The following SDK1 variants were observed in gnomAD, a reference collection of about 807,000 sequenced individuals.
SDK1 encodes the protein protein sidekick-1.
Under a neutral mutation model 245.5 loss-of-function variants are expected in SDK1, and 157 were observed. The observed-to-expected ratio is 0.64, with a 90% CI of 0.56 to 0.73. SDK1 has a LOEUF of 0.73. Among genes scored for constraint, SDK1 ranks in the 30% least tolerant of loss-of-function variants. The pLI is 0.00. For synonymous variants in SDK1, 1,647 were observed against 1,278.5 expected, an observed-to-expected ratio of 1.29 and a Z score of -6.15; for missense variants, 3,583 against 3,002.3, an observed-to-expected ratio of 1.19 and a Z score of -4.52.
intron 4 of SDK1, among the ~76,000 whole-genome samples, chr7:3,770,863 G>A (rs978038169): frequency 1.3e-5 from 2 of 152,130 alleles, no homozygotes; most frequent in African/African-American, 2.4e-5. Context: ...GAGTTACGAG[G>A]CCTGGCTTAG....
chr7:4,236,082 A>G (rs1786146782), intron 41 of SDK1, among the ~76,000 whole-genome samples: 1 of 152,264 alleles, frequency 6.6e-6, no homozygotes, highest in Non-Finnish European at 1.5e-5. Flanking sequence ...TGCATTAGCC[A>G]AAGCCGATTC....
chr7:3,933,865 T>C (rs1231729107), intron 5 of SDK1, among the ~76,000 whole-genome samples: 1 of 152,178 alleles, frequency 6.6e-6, no homozygotes, highest in African/African-American at 2.4e-5. Context: ...GAGTGCCCTT[T>C]GTGGTTAGAA....
intron 2 of SDK1, among the ~76,000 whole-genome samples, chr7:3,628,042 C>T (rs932890401): frequency 8.5e-5 from 13 of 152,128 alleles, no homozygotes; most frequent in African/African-American, 1.7e-4. Flanking sequence ...CTTGCAGCTC[C>T]GTCTGCTTGG....
At chr7:3,572,659 G>A (rs766724510) in intron 1 of SDK1, among the ~76,000 whole-genome samples, 1 of 151,968 alleles carries the variant, frequency 6.6e-6, no homozygotes, top group Admixed American at 6.6e-5. Context: ...CAACTATTCA[G>A]TCATCTATTT....
chr7:4,148,873 T>G (rs958235799), intron 29 of SDK1, among the ~76,000 whole-genome samples: 3 of 152,152 alleles, frequency 2.0e-5, no homozygotes, highest in Non-Finnish European at 4.4e-5. Flanking sequence ...CTGGCCAACA[T>G]GGTGAAACCC....
At chr7:3,516,137 A>G (rs1383014158) in intron 1 of SDK1, among the ~76,000 whole-genome samples, 1 of 144,176 alleles carries the variant, frequency 6.9e-6, no homozygotes, top group African/African-American at 2.6e-5. Context: ...TTTTTGGTAT[A>G]CTCAAAAATA....
chr7:3,704,778 A>G (rs544246497), intron 4 of SDK1, among the ~76,000 whole-genome samples: 16 of 152,086 alleles, frequency 1.1e-4, no homozygotes, highest in Non-Finnish European at 2.1e-4. Flanking sequence ...CCAATGTCCA[A>G]AAGAGTTTAT....
At chr7:3,630,735 C>T (rs1403450685) in intron 2 of SDK1, among the ~76,000 whole-genome samples, 1 of 152,074 alleles carries the variant, frequency 6.6e-6, no homozygotes, top group Non-Finnish European at 1.5e-5. Context: ...CAAAACAATG[C>T]TGAAAGAGAG....
intron 40 of SDK1, among the ~76,000 whole-genome samples, chr7:4,232,712 C>T (rs746447625): frequency 1.1e-4 from 16 of 151,708 alleles, no homozygotes; most frequent in East Asian, 1.9e-4. Flanking sequence ...GTCCTGTAAC[C>T]GCAGCCTCTC....
At chr7:3,886,790 C>G (rs1781349271) in intron 5 of SDK1, among the ~76,000 whole-genome samples, 1 of 152,188 alleles carries the variant, frequency 6.6e-6, no homozygotes, top group Non-Finnish European at 1.5e-5. Flanking sequence ...GTGGTATGAT[C>G]CTGTAGTCTC....
intron 1 of SDK1, among the ~76,000 whole-genome samples, chr7:3,547,324 G>C (rs1779255730): frequency 6.6e-6 from 1 of 152,104 alleles, no homozygotes; most frequent in Admixed American, 6.5e-5. Context: ...ATTGGTCAAA[G>C]CAAGTTATGT....
chr7:4,000,732 A>T lies in SDK1; in HGVS notation c.2132-10234A>T, dbSNP rs538460535. 3.3e-5 allele frequency among the ~76,000 whole-genome samples: 5 copies of T among 152,276 alleles called. No individual in the cohort carries two copies. The South Asian group carries it at 1.0e-3, about 32-fold the overall frequency. On this transcript the variant is annotated intron_variant, in intron 14 of 44. Coordinates refer to ENST00000404826, the MANE Select transcript of SDK1 (RefSeq NM_152744.4). ...TGTTCTTCATGCTTCAAATATTTTA[A>T]TACTGTCTTTGAAACACACCTCACA...
At chr7:3,663,184 G>C (rs928549069) in intron 4 of SDK1, among the ~76,000 whole-genome samples, 4 of 152,104 alleles carry the variant, frequency 2.6e-5, no homozygotes, top group Admixed American at 2.6e-4. Flanking sequence ...GTGGCAAAAG[G>C]CTCTGACTCT....
chr7:3,394,430 T>C (rs1003445295), intron 1 of SDK1, among the ~76,000 whole-genome samples: 6 of 152,186 alleles, frequency 3.9e-5, no homozygotes, highest in South Asian at 2.1e-4. Flanking sequence ...CTTTGATCAC[T>C]GTACCTTTAT....
chr7:3,914,690 C>T lies in SDK1; in HGVS notation c.848-36233C>T, dbSNP rs557196901. Among the ~76,000 whole-genome samples the T allele has an allele frequency of 3.3e-5, 5 of 152,262 alleles. No homozygotes were observed. In the South Asian group the frequency reaches 1.0e-3, roughly 32 times the overall value. Reference sequence around the variant, plus strand: ...ACAGAGTGTTGGGTATCTGTGACAGCCACGGTGACATGGGCTGGGAGGTGT... The same window carrying T: ...ACAGAGTGTTGGGTATCTGTGACAGTCACGGTGACATGGGCTGGGAGGTGT... On this transcript the variant is annotated intron_variant, in intron 5 of 44. Transcript: ENST00000404826.
intron 4 of SDK1, among the ~76,000 whole-genome samples, chr7:3,804,593 A>G (rs967303552): frequency 3.3e-5 from 5 of 152,206 alleles, no homozygotes; most frequent in Non-Finnish European, 5.9e-5. Context: ...TTTTCTCTAT[A>G]GGAAAATCTT....
intron 14 of SDK1, among the ~76,000 whole-genome samples, chr7:4,004,251 G>A (rs1583798231): frequency 6.6e-6 from 1 of 152,238 alleles, no homozygotes; most frequent in Admixed American, 6.5e-5. Context: ...CTCAGCCAGT[G>A]GATAACTCTT....
At chr7:3,459,906 C>G (rs559521338) in intron 1 of SDK1, among the ~76,000 whole-genome samples, 1 of 152,250 alleles carries the variant, frequency 6.6e-6, no homozygotes, top group African/African-American at 2.4e-5. Context: ...TTTATTGAGG[C>G]TTTTCAATAT....
chr7:3,747,203 C>G (rs1779650473), intron 4 of SDK1, among the ~76,000 whole-genome samples: 1 of 152,112 alleles, frequency 6.6e-6, no homozygotes, highest in African/African-American at 2.4e-5. Context: ...ACAGAACTAC[C>G]TAGGTAAATA....
Sources: gnomAD v4.1 joint callset for allele counts (sites outside exome capture counted in the v4.1 genomes callset) on GRCh38, gnomAD v4.1.1 for gene constraint, MANE v1.5 for transcripts, NCBI Gene and HGNC (gene_info 2026-07-23, HGNC 2026-07-21) for gene names.